Variants in PTPRG observed in about 807,000 individuals in gnomAD.
The protein encoded by PTPRG is protein tyrosine phosphatase receptor type G, also known as receptor-type tyrosine-protein phosphatase gamma.
PTPRG carries 102 observed loss-of-function variants against 165.3 expected under a neutral mutation model. The observed-to-expected ratio is 0.62, with a 90% confidence interval of 0.53 to 0.73. The LOEUF is 0.73. Ranked by LOEUF, PTPRG falls within the 30% of genes least tolerant of loss-of-function variation. PTPRG has a pLI of 0.00. For synonymous variants in PTPRG, 675 were observed against 669.5 expected (o/e 1.01, Z -0.13); for missense variants, 1,866 against 1,861.4 (o/e 1.00, Z -0.05).
intron 1 of PTPRG, chr3:61,742,632 C>T: frequency 6.2e-7 from 1 of 1,604,680 alleles, no homozygotes; most frequent in East Asian, 2.2e-5. Flanking sequence ...ACACCTTCTT[C>T]ATTTGGAACT....
chr3:61,568,617 A>AG (rs1385375984), intron 1 of PTPRG, among the ~76,000 whole-genome samples: 2 of 150,740 alleles, frequency 1.3e-5, no homozygotes, highest in Admixed American at 1.3e-4. Flanking sequence ...TGTAAAAAAA[A>AG]TTTTTTTTTT....
rs1175315827 is a variant in PTPRG at position 62,277,015 on chromosome 3, A to G, written c.3603A>G (p.Lys1201=). The change falls in exon 25 of 30, where the codon AAA becomes AAG. Residue 1201 remains lysine, a synonymous_variant. Coordinates refer to ENST00000474889, the MANE Select transcript of PTPRG (RefSeq NM_002841.4). The part of the protein sequence containing the change: ...RVGLAPLPGM[K]GTDYINASYI... ...GTCTTGCACCATTGCCTGGAATGAA[A>G]GGAACAGATTACATTAATGCTTCTT... The G allele has an allele frequency of 4.3e-6, 7 of 1,613,020 alleles. No homozygotes were observed. Among genetic ancestry groups the G allele is most frequent in the African/African-American group, 1.3e-5 (1 of 74,868 alleles).
At chr3:61,787,876 T>A (rs773662116) in intron 2 of PTPRG, among the ~76,000 whole-genome samples, 16 of 152,200 alleles carry the variant, frequency 1.1e-4, no homozygotes, top group Non-Finnish European at 2.4e-4. Context: ...TGGAGTCCTG[T>A]TAAAATTCCT....
chr3:62,060,965 T>G (rs1700790061), intron 4 of PTPRG, among the ~76,000 whole-genome samples: 1 of 152,230 alleles, frequency 6.6e-6, no homozygotes, highest in South Asian at 2.1e-4. Flanking sequence ...TTTCATAGTA[T>G]GGATGCATCC....
intron 1 of PTPRG, among the ~76,000 whole-genome samples, chr3:61,682,494 TA>T (rs1703484327): frequency 6.6e-6 from 1 of 152,218 alleles, no homozygotes; most frequent in Non-Finnish European, 1.5e-5. Flanking sequence ...AAGTTTTTAA[TA>T]AAGTGGGCCA....
chr3:62,029,360 A>G (rs1166335446), intron 4 of PTPRG, among the ~76,000 whole-genome samples: 1 of 152,188 alleles, frequency 6.6e-6, no homozygotes, highest in African/African-American at 2.4e-5. Context: ...GCGTCCCAGA[A>G]AGGAAGAGAA....
chr3:62,071,156 G>T (rs1321034030), intron 4 of PTPRG, among the ~76,000 whole-genome samples: 1 of 152,024 alleles, frequency 6.6e-6, no homozygotes, highest in Non-Finnish European at 1.5e-5. Context: ...AATGTCTATT[G>T]AGTCGTTCAG....
intron 1 of PTPRG, among the ~76,000 whole-genome samples, chr3:61,621,825 C>G (rs909036759): frequency 1.3e-5 from 2 of 152,170 alleles, no homozygotes; most frequent in Non-Finnish European, 2.9e-5. Flanking sequence ...CTCTGATTCT[C>G]TGTTTTCTTA....
At chr3:62,151,568 C>T (rs938750299) in intron 6 of PTPRG, among the ~76,000 whole-genome samples, 2 of 150,294 alleles carry the variant, frequency 1.3e-5, no homozygotes, top group African/African-American at 4.9e-5. Context: ...ATACAGCACC[C>T]GGGATCCTTG....
chr3:61,851,857 C>T (rs1438675845), intron 2 of PTPRG, among the ~76,000 whole-genome samples: 1 of 151,980 alleles, frequency 6.6e-6, no homozygotes, highest in Non-Finnish European at 1.5e-5. Context: ...AGGGGTAGTT[C>T]AAAAAGTAGT....
intron 4 of PTPRG, among the ~76,000 whole-genome samples, chr3:62,008,648 G>A (rs62245382): frequency 0.042 from 6,383 of 152,242 alleles, 186 homozygotes; most frequent in Non-Finnish European, 0.067. Context: ...TCGACACCAG[G>A]GACTGGTTTT....
At chr3:61,728,362 A>C (rs2032346508) in intron 1 of PTPRG, among the ~76,000 whole-genome samples, 1 of 152,186 alleles carries the variant, frequency 6.6e-6, no homozygotes, top group Non-Finnish European at 1.5e-5. Flanking sequence ...TAGGAGAATC[A>C]CTTGAGGCTA....
chr3:61,859,793 C>T (rs1310546998), intron 2 of PTPRG, among the ~76,000 whole-genome samples: 1 of 152,122 alleles, frequency 6.6e-6, no homozygotes, highest in Non-Finnish European at 1.5e-5. Context: ...TAATAAAATA[C>T]TGCTGCCCAC....
At chr3:61,901,048 C>G (rs1407305665) in intron 2 of PTPRG, among the ~76,000 whole-genome samples, 1 of 152,218 alleles carries the variant, frequency 6.6e-6, no homozygotes. Flanking sequence ...GCTGAGCGCT[C>G]TTAATCTGCT....
chr3:61,978,113 A>G (rs1015460410), intron 2 of PTPRG, among the ~76,000 whole-genome samples: 1 of 152,122 alleles, frequency 6.6e-6, no homozygotes, highest in Admixed American at 6.5e-5. Flanking sequence ...CAGCCTCCCA[A>G]AGTGCTGGGA....
intron 8 of PTPRG, among the ~76,000 whole-genome samples, chr3:62,168,671 A>C (rs1705093747): frequency 6.6e-6 from 1 of 152,198 alleles, no homozygotes; most frequent in Admixed American, 6.5e-5. Flanking sequence ...TGCAGGAGCC[A>C]GGGTGAGCTC....
chr3:62,001,852 A>G (rs1177921694), intron 3 of PTPRG, among the ~76,000 whole-genome samples: 2 of 152,204 alleles, frequency 1.3e-5, no homozygotes, highest in Non-Finnish European at 2.9e-5. Flanking sequence ...TGCTATAAAG[A>G]CAAGATTGAG....
chr3:61,980,870 C>A (rs1386967421), intron 2 of PTPRG, among the ~76,000 whole-genome samples: 1 of 152,176 alleles, frequency 6.6e-6, no homozygotes, highest in African/African-American at 2.4e-5. Context: ...TCCCTTCCTT[C>A]TTCATTCACA....
chr3:61,740,563 C>G (rs1426504914), intron 1 of PTPRG, among the ~76,000 whole-genome samples: 3 of 151,806 alleles, frequency 2.0e-5, no homozygotes, highest in African/African-American at 4.8e-5. Context: ...AGATTCTGCC[C>G]TTTGTAACTG....
Sources: gnomAD v4.1 joint callset for allele counts (sites outside exome capture counted in the v4.1 genomes callset) on GRCh38, gnomAD v4.1.1 for gene constraint, MANE v1.5 for transcripts, NCBI Gene and HGNC (gene_info 2026-07-23, HGNC 2026-07-21) for gene names.